Variants in PRKCA observed in about 807,000 individuals in gnomAD.
PRKCA encodes protein kinase C alpha type.
PRKCA carries 27 observed loss-of-function variants against 87.0 expected under a neutral mutation model. That is an observed-to-expected ratio of 0.31 (90% CI 0.23 to 0.43). The LOEUF (loss-of-function observed/expected upper bound fraction) is 0.43, where lower values mean the gene tolerates loss of function less well. PRKCA is among the 20% of genes least tolerant of loss of function. The pLI is 1.00. For missense variants in PRKCA, 518 were observed against 852.3 expected, an observed-to-expected ratio of 0.61 and a Z score of 4.88; for synonymous variants, 329 against 311.1, an observed-to-expected ratio of 1.06 and a Z score of -0.61.
Position 66,586,943 on chromosome 17 carries a change from T to C in PRKCA, c.289-54412T>C, listed in dbSNP as rs117497637. ...GTGAGGCTGTGGAGCAAAGGCAGAG[T>C]TGGTGGTGAAGGGCCTATTTTTAAC... On this transcript the variant is annotated intron_variant, in intron 3 of 16. Coordinates refer to ENST00000413366, the MANE Select transcript of PRKCA (RefSeq NM_002737.3). Among the ~76,000 whole-genome samples, 856 of 151,930 alleles carry C rather than the reference T, an allele frequency of 5.6e-3. 2 individuals carry two copies. The highest frequency in any genetic ancestry group is 0.017 in the Middle Eastern group (5 of 294).
chr17:66,596,929 T>C (rs1266162115), intron 3 of PRKCA, among the ~76,000 whole-genome samples: 1 of 6,652 alleles, frequency 1.5e-4, no homozygotes, highest in African/African-American at 8.8e-4. Context: ...TTTATGGCTG[T>C]ATAGTATTCC....
At chr17:66,455,856 T>C (rs1567838325) in intron 2 of PRKCA, among the ~76,000 whole-genome samples, 1 of 152,182 alleles carries the variant, frequency 6.6e-6, no homozygotes, top group Non-Finnish European at 1.5e-5. Flanking sequence ...TTTTCTGATT[T>C]CTCTCTGTAC....
At chr17:66,561,597 T>C (rs530281678) in intron 3 of PRKCA, among the ~76,000 whole-genome samples, 2 of 152,266 alleles carry the variant, frequency 1.3e-5, no homozygotes, top group East Asian at 1.9e-4. Context: ...AAGAGATACT[T>C]GTATGCCCAT....
At chr17:66,717,486 C>T (rs569730198) in intron 8 of PRKCA, among the ~76,000 whole-genome samples, 8 of 152,304 alleles carry the variant, frequency 5.3e-5, no homozygotes, top group Admixed American at 5.2e-4. Flanking sequence ...CGCGGTGCCC[C>T]CTGGGCTCAT....
intron 5 of PRKCA, among the ~76,000 whole-genome samples, chr17:66,660,766 G>A (rs4513136): frequency 0.056 from 8,544 of 151,870 alleles, 795 homozygotes; most frequent in African/African-American, 0.19. Flanking sequence ...AAAATTAGCC[G>A]GGTGTGGTGG....
At chr17:66,455,763 G>A (rs1032673128) in intron 2 of PRKCA, among the ~76,000 whole-genome samples, 1 of 152,118 alleles carries the variant, frequency 6.6e-6, no homozygotes, top group Non-Finnish European at 1.5e-5. Flanking sequence ...TTCCTCATCT[G>A]TAAATGAACA....
At chr17:66,516,642 A>AG (rs369630640) in intron 3 of PRKCA, among the ~76,000 whole-genome samples, 1 of 151,994 alleles carries the variant, frequency 6.6e-6, no homozygotes, top group African/African-American at 2.4e-5. Context: ...AAAAAAAAAA[A>AG]GAATAAGTTG....
At position 66,680,279 on chromosome 17, in the gene PRKCA, G is replaced by T. The variant is rs537997342; in HGVS notation, c.530-6832G>T. ...GAGAACATTTTTGCTCATGCCTGGT[G>T]TGGAGTAGGATTCGAGAATTTTGTT... is the stretch of plus-strand genomic sequence containing the variant. On this transcript the variant is annotated intron_variant, in intron 5 of 16. Transcript: ENST00000413366. Among the ~76,000 whole-genome samples the T allele has an allele frequency of 1.9e-3, 294 of 152,324 alleles. 1 individual carries two copies. The highest frequency in any genetic ancestry group is 5.6e-3 in the African/African-American group (232 of 41,574).
At chr17:66,438,807 TCAG>T in intron 2 of PRKCA, among the ~76,000 whole-genome samples, 1 of 152,138 alleles carries the variant, frequency 6.6e-6, no homozygotes, top group Non-Finnish European at 1.5e-5. Context: ...TATAAAACCA[TCAG>T]CTCTTGTGAG....
intron 2 of PRKCA, among the ~76,000 whole-genome samples, chr17:66,386,723 A>G (rs78159571): frequency 0.045 from 6,886 of 152,046 alleles, 355 homozygotes; most frequent in African/African-American, 0.13. Context: ...TTTGGTGGAT[A>G]CTCCCTGTTG....
chr17:66,556,720 G>T lies in PRKCA; in HGVS notation c.288+60437G>T, dbSNP rs1210494394. 3.3e-5 allele frequency among the ~76,000 whole-genome samples: 5 copies of T among 152,246 alleles called. No homozygotes were observed. In the East Asian group the frequency reaches 9.6e-4, roughly 29 times the overall value. On this transcript the variant is annotated intron_variant, in intron 3 of 16. Coordinates refer to ENST00000413366, the MANE Select transcript of PRKCA (RefSeq NM_002737.3). ...AGTTTTATAAGGGGCTTCCCCCTTT[G>T]CTCAGCTCTCATTCTTCTCTCTCCT...
rs1235446255 is a variant in PRKCA at position 66,727,167 on chromosome 17, A to T, written c.919-5521A>T. The stretch of plus-strand genomic sequence containing the variant: ...TGGTGTCCAGGCTCTTGATACTGCC[A>T]CGGGAAGGAATTCAAGGATGAGTCA... On this transcript the variant is annotated intron_variant, in intron 8 of 16. Transcript: ENST00000413366. 1.7e-4 allele frequency among the ~76,000 whole-genome samples: 26 copies of T among 150,960 alleles called. 1 individual carries two copies. The highest frequency in any genetic ancestry group is 1.8e-4 in the Non-Finnish European group (12 of 67,852).
intron 3 of PRKCA, among the ~76,000 whole-genome samples, chr17:66,613,982 G>A (rs1405450804): frequency 6.6e-6 from 1 of 151,664 alleles, no homozygotes; most frequent in Non-Finnish European, 1.5e-5. Context: ...GTAGAGATGG[G>A]GTTTCACCAA....
chr17:66,378,484 T>C (rs1022568694), intron 2 of PRKCA, among the ~76,000 whole-genome samples: 2 of 152,188 alleles, frequency 1.3e-5, no homozygotes, highest in African/African-American at 4.8e-5. Context: ...TTTTTGTCAC[T>C]CCAGAAAGAA....
intron 2 of PRKCA, among the ~76,000 whole-genome samples, chr17:66,367,827 A>G (rs1299304160): frequency 6.6e-6 from 1 of 152,226 alleles, no homozygotes; most frequent in African/African-American, 2.4e-5. Flanking sequence ...TTATGAGACT[A>G]TGCTCACAAA....
At chr17:66,494,377 A>G (rs954025063) in intron 2 of PRKCA, among the ~76,000 whole-genome samples, 6 of 152,248 alleles carry the variant, frequency 3.9e-5, no homozygotes, top group Admixed American at 3.3e-4. Context: ...AGGTGCCAGC[A>G]TTGAGCAAGG....
chr17:66,708,132 C>G (rs1973233631), intron 8 of PRKCA, among the ~76,000 whole-genome samples: 1 of 152,184 alleles, frequency 6.6e-6, no homozygotes, highest in African/African-American at 2.4e-5. Context: ...GTGGCACTTC[C>G]CAGTTCATCA....
chr17:66,782,145 C>T (rs1975251527), intron 14 of PRKCA, among the ~76,000 whole-genome samples: 1 of 152,016 alleles, frequency 6.6e-6, no homozygotes, highest in South Asian at 2.1e-4. Flanking sequence ...AACTCTTGAC[C>T]TTGTGATCTG....
At chr17:66,642,664 G>T (rs1192678499) in intron 4 of PRKCA, among the ~76,000 whole-genome samples, 1 of 152,086 alleles carries the variant, frequency 6.6e-6, no homozygotes, top group Non-Finnish European at 1.5e-5. Flanking sequence ...AAACATAAAC[G>T]AGCATCATAG....
Sources: allele counts gnomAD v4.1 joint callset (sites outside exome capture counted in the v4.1 genomes callset), GRCh38; gene constraint gnomAD v4.1.1; transcripts MANE v1.5; gene names NCBI Gene and HGNC (gene_info 2026-07-23, HGNC 2026-07-21).